The following PINX1 variants were observed in gnomAD, a reference collection of about 807,000 sequenced individuals.
PINX1 encodes the protein PIN2/TERF1-interacting telomerase inhibitor 1.
PINX1 carries 34 observed loss-of-function variants against 25.4 expected under a neutral mutation model. That is an observed-to-expected ratio of 1.34 (90% CI 1.02 to 1.78). The LOEUF is 1.78. Ranked by LOEUF, PINX1 falls within the 40% of genes most tolerant of loss-of-function variation. The pLI, the probability that PINX1 is intolerant of heterozygous loss-of-function variation, is 0.00. For missense variants in PINX1, 592 were observed against 404.9 expected, an observed-to-expected ratio of 1.46 and a Z score of -3.97; for synonymous variants, 197 against 147.7, an observed-to-expected ratio of 1.33 and a Z score of -2.42.
intron 6 of PINX1, among the ~76,000 whole-genome samples, chr8:10,794,439 C>T (rs1477757082): frequency 2.1e-5 from 3 of 145,720 alleles, no homozygotes; most frequent in Non-Finnish European, 4.6e-5. Context: ...CTGTTGCTAC[C>T]TTTTTTTTTT....
chr8:10,827,494 C>T (rs1798088704), intron 4 of PINX1, among the ~76,000 whole-genome samples: 1 of 152,064 alleles, frequency 6.6e-6, no homozygotes, highest in Non-Finnish European at 1.5e-5. Context: ...CCTGCATTCT[C>T]TCACCTGTAT....
chr8:10,816,908 A>G (rs11993903), intron 6 of PINX1, among the ~76,000 whole-genome samples: 53,592 of 152,052 alleles, frequency 0.35, 9,796 homozygotes, highest in African/African-American at 0.45. Flanking sequence ...CCTCACTGCT[A>G]CAGAGGAGAT....
At chr8:10,822,354 C>T (rs1249209981) in intron 5 of PINX1, among the ~76,000 whole-genome samples, 1 of 152,132 alleles carries the variant, frequency 6.6e-6, no homozygotes, top group Non-Finnish European at 1.5e-5. Flanking sequence ...ATGGTCAAAT[C>T]ATACAAAATA....
chr8:10,831,634 A>G (rs1798229455), intron 4 of PINX1, 31 bp downstream of exon 4: 1 of 1,372,934 alleles, frequency 7.3e-7, no homozygotes, highest in Non-Finnish European at 1.0e-6. Context: ...ACATATTTGC[A>G]TTGAGAACTT....
At chr8:10,770,070 C>T (rs1563200182) in intron 6 of PINX1, among the ~76,000 whole-genome samples, 1 of 152,234 alleles carries the variant, frequency 6.6e-6, no homozygotes, top group Non-Finnish European at 1.5e-5. Context: ...ATTTATCAAA[C>T]TAGCATGTAC....
intron 6 of PINX1, among the ~76,000 whole-genome samples, chr8:10,817,529 G>T (rs941512126): frequency 3.3e-5 from 5 of 152,136 alleles, no homozygotes; most frequent in African/African-American, 1.2e-4. Flanking sequence ...TAAATGTAGA[G>T]GTCATTTTGC....
chr8:10,827,242 G>T (rs1226065013), intron 4 of PINX1, among the ~76,000 whole-genome samples: 2 of 152,200 alleles, frequency 1.3e-5, no homozygotes, highest in Non-Finnish European at 2.9e-5. Context: ...CCTAAATACA[G>T]ATCAGAGATG....
At chr8:10,790,518 C>T (rs909704638) in intron 6 of PINX1, among the ~76,000 whole-genome samples, 1 of 152,124 alleles carries the variant, frequency 6.6e-6, no homozygotes, top group Non-Finnish European at 1.5e-5. Context: ...TCCCAGGAGC[C>T]GTGTCACCAT....
chr8:10,765,446 T>C lies in PINX1; in HGVS notation c.942A>G (p.Leu314=). ...KPVEIAEDAT[L]EETLVKKKKK... is the part of the protein sequence containing the mutation. The stretch of plus-strand genomic sequence containing the variant: ...TCTTCTTTTTCACTAGCGTTTCTTC[T>C]AGTGTAGCGTCCTCTGCTATCTCTA... Residue 314 remains leucine, a synonymous_variant, in exon 7 of 7, where the codon CTA becomes CTG. Coordinates refer to ENST00000314787, the MANE Select transcript of PINX1 (RefSeq NM_017884.6). 14 of 1,610,814 alleles carry C rather than the reference T, an allele frequency of 8.7e-6. No homozygotes were observed. Among genetic ancestry groups the C allele is most frequent in the Non-Finnish European group, 1.2e-5 (14 of 1,179,386 alleles).
chr8:10,790,910 C>T (rs977282151), intron 6 of PINX1, among the ~76,000 whole-genome samples: 3 of 152,110 alleles, frequency 2.0e-5, no homozygotes, highest in Admixed American at 6.6e-5. Flanking sequence ...AAAAATCCCC[C>T]TCCCTCCCCC....
intron 6 of PINX1, among the ~76,000 whole-genome samples, chr8:10,807,317 T>TC (rs1184898113): frequency 0.39 from 15,623 of 39,818 alleles, 1,830 homozygotes; most frequent in Non-Finnish European, 0.44. Context: ...ATCAAGAAAA[T>TC]CCCCCCCCCA....
At chr8:10,798,939 T>C (rs1273330771) in intron 6 of PINX1, among the ~76,000 whole-genome samples, 3 of 152,200 alleles carry the variant, frequency 2.0e-5, no homozygotes, top group African/African-American at 4.8e-5. Context: ...TTTCAGAAAA[T>C]AATCAGTTTT....
chr8:10,828,516 C>T lies in PINX1; in HGVS notation c.302-2272G>A, dbSNP rs1477971960. ...GGAAGCCCCCGCGATGGGACCGAAG[C>T]CCAGGCAGACATGACGCAGAGGCCA... On this transcript the variant is annotated intron_variant, in intron 4 of 6. Coordinates refer to ENST00000314787, the MANE Select transcript of PINX1 (RefSeq NM_017884.6). 2.6e-5 allele frequency among the ~76,000 whole-genome samples: 4 copies of T among 152,160 alleles called. No individual in the cohort carries two copies. In the South Asian group the frequency reaches 6.2e-4, roughly 24 times the overall value.
At position 10,811,597 on chromosome 8, in the gene PINX1, C is replaced by T. The variant is rs188158014; in HGVS notation, c.471+8596G>A. 1.2e-4 allele frequency among the ~76,000 whole-genome samples: 19 copies of T among 152,312 alleles called. No individual in the cohort carries two copies. In the East Asian group the frequency reaches 3.5e-3, roughly 28 times the overall value. On this transcript the variant is annotated intron_variant, in intron 6 of 6. Transcript: ENST00000314787. The stretch of plus-strand genomic sequence containing the variant: ...GGGCTGGGCAGTCCTGGCTCAGGGT[C>T]TCTCACGCGGATATTGTCAAAAGGT...
chr8:10,765,249 T>C lies in PINX1; in HGVS notation c.*152A>G, dbSNP rs543362065. ...CTGGGAATGTAACTTGGGGGAAATG[T>C]GGCGAGAGGGCAGGACTCGGCAGCC... On this transcript the variant is annotated 3_prime_UTR_variant, in exon 7 of 7. Coordinates refer to ENST00000314787, the MANE Select transcript of PINX1 (RefSeq NM_017884.6). 3.8e-5 allele frequency: 23 copies of C among 610,330 alleles called. No homozygotes were observed. Among genetic ancestry groups the C allele is most frequent in the African/African-American group, 3.3e-4 (18 of 54,044 alleles). The allele number at this position is 610,330 out of a possible 1,614,324, so 37.8% of individuals were successfully genotyped here.
At position 10,765,923 on chromosome 8, in the gene PINX1, T is replaced by C. The variant is rs773584787; in HGVS notation, c.472-7A>G. ...TGGAGGGACTGGCATCGCCCTATGG[T>C]GGGCAGAAGAGTTAAAAGGCAGGTA... On this transcript the variant is annotated splice_region_variant and splice_polypyrimidine_tract_variant and intron_variant, in intron 6 of 6. Transcript: ENST00000314787. 3 of 1,610,668 alleles carry C rather than the reference T, an allele frequency of 1.9e-6. No homozygotes were observed. Among genetic ancestry groups the C allele is most frequent in the Non-Finnish European group, 2.5e-6 (3 of 1,178,504 alleles).
At chr8:10,839,082 G>A (rs1240339994) in intron 1 of PINX1, among the ~76,000 whole-genome samples, 2 of 152,154 alleles carry the variant, frequency 1.3e-5, no homozygotes, top group South Asian at 2.1e-4. Flanking sequence ...CTTCGCTACA[G>A]GTACAATTCA....
At chr8:10,768,258 G>C (rs181166387) in intron 6 of PINX1, among the ~76,000 whole-genome samples, 51 of 152,300 alleles carry the variant, frequency 3.3e-4, no homozygotes, top group African/African-American at 1.2e-3. Flanking sequence ...CCACTCTTTT[G>C]GAATGTATTT....
At chr8:10,818,844 G>C (rs1224541358) in intron 6 of PINX1, among the ~76,000 whole-genome samples, 5 of 152,204 alleles carry the variant, frequency 3.3e-5, no homozygotes, top group Non-Finnish European at 5.9e-5. Context: ...AGACGACTGA[G>C]AGAGTCAAGG....
Sources: allele counts gnomAD v4.1 joint callset (sites outside exome capture counted in the v4.1 genomes callset), GRCh38; gene constraint gnomAD v4.1.1; transcripts MANE v1.5; gene names NCBI Gene and HGNC (gene_info 2026-07-23, HGNC 2026-07-21).